MAN2A1: variants seen among roughly 807,000 people sequenced by gnomAD.
MAN2A1 encodes the protein alpha-mannosidase 2.
A neutral mutation model predicts 142.6 loss-of-function variants in MAN2A1; 76 were observed. That is an observed-to-expected ratio of 0.53 (90% CI 0.44 to 0.65). The LOEUF is 0.65. Ranked by LOEUF, MAN2A1 falls within the 30% of genes least tolerant of loss-of-function variation. The probability of loss-of-function intolerance (pLI) is 0.00; values close to 1 mark genes in which losing one functional copy is unlikely to be tolerated. For missense variants in MAN2A1, 1,311 were observed against 1,365.1 expected, an observed-to-expected ratio of 0.96 and a Z score of 0.62; for synonymous variants, 559 against 473.2, an observed-to-expected ratio of 1.18 and a Z score of -2.35.
At chr5:109,771,976 T>G (rs1272779524) in intron 7 of MAN2A1, among the ~76,000 whole-genome samples, 3 of 152,212 alleles carry the variant, frequency 2.0e-5, no homozygotes, top group Non-Finnish European at 4.4e-5. Context: ...CATCTAACCT[T>G]TCAACAATTG....
At chr5:109,710,102 T>C (rs920451032) in intron 1 of MAN2A1, among the ~76,000 whole-genome samples, 3 of 152,224 alleles carry the variant, frequency 2.0e-5, no homozygotes, top group African/African-American at 7.2e-5. Flanking sequence ...TGATGTTCTT[T>C]AGACCATTGT....
At chr5:109,774,460 G>C (rs899022790) in intron 7 of MAN2A1, among the ~76,000 whole-genome samples, 45 of 151,636 alleles carry the variant, frequency 3.0e-4, no homozygotes, top group Non-Finnish European at 1.6e-4. Flanking sequence ...TCTGTGGCTG[G>C]GCTTTAGGAA....
chr5:109,817,469 A>G, intron 13 of MAN2A1, 31 bp downstream of exon 13: 2 of 1,606,454 alleles, frequency 1.2e-6, no homozygotes, highest in Non-Finnish European at 1.7e-6. Flanking sequence ...TTAAGGAGGC[A>G]TTGTAAAACA....
rs184593296 is a variant in MAN2A1, at chr5:109,737,515, G to T, written c.707+8002G>T. 3.6e-4 allele frequency among the ~76,000 whole-genome samples: 54 copies of T among 151,998 alleles called. 1 individual carries two copies. The highest frequency in any genetic ancestry group is 3.4e-3 in the Middle Eastern group (1 of 294). ...GCTTCTACTGGTGTTTGAAAAGGTG[G>T]GGTTTGTAGAATATAGAGTTTGGTA... On this transcript the variant is annotated intron_variant, in intron 4 of 21. Transcript: ENST00000261483.
intron 1 of MAN2A1, among the ~76,000 whole-genome samples, chr5:109,702,155 A>G (rs555516856): frequency 1.3e-5 from 2 of 152,346 alleles, no homozygotes; most frequent in South Asian, 4.1e-4. Context: ...ATTGTCAGAA[A>G]CCAGCAGCTC....
intron 1 of MAN2A1, among the ~76,000 whole-genome samples, chr5:109,692,837 G>C (rs1259546045): frequency 1.3e-5 from 2 of 152,134 alleles, no homozygotes; most frequent in Non-Finnish European, 2.9e-5. Context: ...GTTTGGGGAT[G>C]AAGCTGTTCC....
intron 12 of MAN2A1, 136 bp downstream of exon 12, chr5:109,789,663 TC>T (rs1753687916): frequency 3.3e-6 from 2 of 602,898 alleles, no homozygotes; most frequent in Admixed American, 3.3e-5. Context: ...AAATGGATTT[TC>T]TTTCATGACT....
At chr5:109,794,935 T>A (rs762643535) in intron 12 of MAN2A1, among the ~76,000 whole-genome samples, 1 of 152,174 alleles carries the variant, frequency 6.6e-6, no homozygotes, top group African/African-American at 2.4e-5. Context: ...GAAGCACTTT[T>A]CATCTTGTCT....
intron 20 of MAN2A1, among the ~76,000 whole-genome samples, chr5:109,859,167 A>G (rs374297449): frequency 6.6e-6 from 1 of 152,240 alleles, no homozygotes; most frequent in Non-Finnish European, 1.5e-5. Flanking sequence ...AAAATCACCC[A>G]GTGGTAAATG....
At chr5:109,862,193 A>T (rs1224205951) in intron 20 of MAN2A1, 1 of 152,198 alleles carries the variant, frequency 6.6e-6, no homozygotes, top group Admixed American at 6.5e-5. Context: ...ACTCAAAGTC[A>T]CATAAATGGT....
chr5:109,707,283 A>G (rs1468563481), intron 1 of MAN2A1, among the ~76,000 whole-genome samples: 1 of 152,200 alleles, frequency 6.6e-6, no homozygotes, highest in Non-Finnish European at 1.5e-5. Flanking sequence ...TCTTTCTTCA[A>G]AAATGGTGTG....
At chr5:109,798,195 A>G (rs1224940058) in intron 12 of MAN2A1, among the ~76,000 whole-genome samples, 1 of 152,236 alleles carries the variant, frequency 6.6e-6, no homozygotes, top group Non-Finnish European at 1.5e-5. Flanking sequence ...TTCAGGTTAT[A>G]TTAATGCCTG....
chr5:109,716,858 A>G (rs1278502562), intron 3 of MAN2A1, among the ~76,000 whole-genome samples: 1 of 152,204 alleles, frequency 6.6e-6, no homozygotes, highest in Non-Finnish European at 1.5e-5. Context: ...TGAAAGAATC[A>G]TGTATGGCAC....
intron 10 of MAN2A1, among the ~76,000 whole-genome samples, chr5:109,788,261 G>A (rs77142142): frequency 2.0e-5 from 3 of 150,832 alleles, no homozygotes; most frequent in Admixed American, 1.3e-4. Flanking sequence ...TTTTCCATGA[G>A]TAATGCTTCA....
At chr5:109,844,078 C>T (rs1183500318) in intron 17 of MAN2A1, among the ~76,000 whole-genome samples, 1 of 152,114 alleles carries the variant, frequency 6.6e-6, no homozygotes, top group Non-Finnish European at 1.5e-5. Flanking sequence ...CAGATAAAAT[C>T]TCAACTTCAT....
intron 1 of MAN2A1, among the ~76,000 whole-genome samples, chr5:109,703,654 T>C (rs1321818533): frequency 6.6e-6 from 1 of 152,220 alleles, no homozygotes; most frequent in Non-Finnish European, 1.5e-5. Context: ...TGGGAAGTGC[T>C]GAATTAAAGA....
intron 12 of MAN2A1, among the ~76,000 whole-genome samples, chr5:109,794,460 A>G (rs1207083027): frequency 1.3e-5 from 2 of 152,176 alleles, no homozygotes; most frequent in South Asian, 2.1e-4. Context: ...AGTCAGTAAG[A>G]TTAAAGGTTT....
chr5:109,826,664 C>T (rs1176802342), intron 16 of MAN2A1, among the ~76,000 whole-genome samples: 2 of 152,178 alleles, frequency 1.3e-5, no homozygotes, highest in African/African-American at 4.8e-5. Context: ...TTGTCTCAAT[C>T]CTGGCTGATT....
chr5:109,711,957 G>C (rs1418508936), intron 1 of MAN2A1, among the ~76,000 whole-genome samples: 2 of 152,112 alleles, frequency 1.3e-5, no homozygotes, highest in African/African-American at 4.8e-5. Context: ...GCCTGTGAGA[G>C]CATCTTTCAG....
Sources: allele counts gnomAD v4.1 joint callset (sites outside exome capture counted in the v4.1 genomes callset), GRCh38; gene constraint gnomAD v4.1.1; transcripts MANE v1.5; gene names NCBI Gene and HGNC (gene_info 2026-07-23, HGNC 2026-07-21).